The following DYM variants were observed in gnomAD, a reference collection of about 807,000 sequenced individuals.
DYM encodes the protein dymeclin, also known as dyggve-Melchior-Clausen syndrome protein.
A neutral mutation model predicts 93.1 loss-of-function variants in DYM; 78 were observed. The ratio of observed to expected loss-of-function variants is 0.84; its 90% confidence interval spans 0.70 to 1.01. The LOEUF is 1.01. DYM is among the 50% of genes least tolerant of loss of function. The pLI is 0.00. For synonymous variants in DYM, 321 were observed against 319.7 expected (o/e 1.00, Z -0.04); for missense variants, 789 against 845.0 (o/e 0.93, Z 0.82).
At chr18:49,390,568 C>T (rs1462668314) in intron 3 of DYM, among the ~76,000 whole-genome samples, 4 of 151,600 alleles carry the variant, frequency 2.6e-5, no homozygotes, top group South Asian at 2.1e-4. Context: ...AGTGCAGTGG[C>T]GCGATCTCGG....
chr18:49,105,627 C>G (rs2080714875), intron 16 of DYM, among the ~76,000 whole-genome samples: 1 of 152,170 alleles, frequency 6.6e-6, no homozygotes, highest in African/African-American at 2.4e-5. Context: ...TCTTTGGTTT[C>G]AAAGAATATC....
intron 5 of DYM, among the ~76,000 whole-genome samples, chr18:49,369,356 G>C (rs562615969): frequency 2.0e-5 from 3 of 152,176 alleles, no homozygotes; most frequent in African/African-American, 4.8e-5. Context: ...AACTGGGAAG[G>C]GGGGTGGCCT....
At chr18:49,097,196 C>A in intron 17 of DYM, 1 of 610,522 alleles carries the variant, frequency 1.6e-6, no homozygotes, top group Non-Finnish European at 2.9e-6. Flanking sequence ...TAGTGCATGC[C>A]ATGGCTACTT....
chr18:49,310,610 T>G (rs1232154090), intron 8 of DYM, among the ~76,000 whole-genome samples: 1 of 152,230 alleles, frequency 6.6e-6, no homozygotes, highest in Non-Finnish European at 1.5e-5. Context: ...TTTTAAGTTT[T>G]CTTTACAGTT....
intron 14 of DYM, among the ~76,000 whole-genome samples, chr18:49,195,049 A>G (rs1203961681): frequency 1.3e-5 from 2 of 152,160 alleles, no homozygotes; most frequent in African/African-American, 4.8e-5. Flanking sequence ...AATTTAATGT[A>G]AAATAATTTT....
At chr18:49,394,388 T>C (rs1294203564) in intron 2 of DYM, among the ~76,000 whole-genome samples, 1 of 151,500 alleles carries the variant, frequency 6.6e-6, no homozygotes, top group Non-Finnish European at 1.5e-5. Flanking sequence ...GTTTCATTTG[T>C]CTGTTTTTTT....
At chr18:49,301,111 A>T (rs1236969326) in intron 8 of DYM, among the ~76,000 whole-genome samples, 2 of 152,218 alleles carry the variant, frequency 1.3e-5, no homozygotes, top group Admixed American at 6.5e-5. Context: ...TTGAAAAAGA[A>T]GATTTCAAAT....
At chr18:49,079,402 T>TA (rs1382093870) in intron 17 of DYM, among the ~76,000 whole-genome samples, 6 of 152,022 alleles carry the variant, frequency 3.9e-5, no homozygotes, top group Admixed American at 1.3e-4. Context: ...TCTTTTTTTT[T>TA]TTTTTTATTT....
chr18:49,300,325 T>A (rs930787576), intron 8 of DYM, among the ~76,000 whole-genome samples: 4 of 151,732 alleles, frequency 2.6e-5, no homozygotes, highest in African/African-American at 9.7e-5. Context: ...GTAGGCCGGG[T>A]GCCATGGCTC....
chr18:49,281,458 G>T (rs7231552), intron 10 of DYM, among the ~76,000 whole-genome samples: 24 of 152,060 alleles, frequency 1.6e-4, no homozygotes, highest in African/African-American at 5.3e-4. Context: ...ACTGGGTATA[G>T]ACCCAAAGGA....
intron 5 of DYM, among the ~76,000 whole-genome samples, chr18:49,374,653 G>C (rs1261554507): frequency 6.6e-6 from 1 of 152,164 alleles, no homozygotes; most frequent in South Asian, 2.1e-4. Context: ...ATGAAAGGTA[G>C]CTTCAATAAA....
intron 13 of DYM, among the ~76,000 whole-genome samples, chr18:49,217,942 T>C (rs918859956): frequency 9.2e-5 from 14 of 152,134 alleles, no homozygotes; most frequent in African/African-American, 3.1e-4. Flanking sequence ...ATGCTCCAAT[T>C]AAAAGACACA....
At chr18:49,074,866 G>T (rs753576257) in intron 17 of DYM, among the ~76,000 whole-genome samples, 1 of 152,246 alleles carries the variant, frequency 6.6e-6, no homozygotes, top group African/African-American at 2.4e-5. Flanking sequence ...GTTGCTTTCA[G>T]ATCGTCTCAA....
At chr18:49,075,142 G>C (rs2077199116) in intron 17 of DYM, among the ~76,000 whole-genome samples, 1 of 152,156 alleles carries the variant, frequency 6.6e-6, no homozygotes, top group Admixed American at 6.5e-5. Context: ...TTTACAGCTA[G>C]ACAATCAGTA....
intron 8 of DYM, among the ~76,000 whole-genome samples, chr18:49,315,439 G>A (rs1355781306): frequency 6.6e-6 from 1 of 152,146 alleles, no homozygotes; most frequent in African/African-American, 2.4e-5. Flanking sequence ...TGAGTTTTAT[G>A]TACTATGAAG....
intron 14 of DYM, among the ~76,000 whole-genome samples, chr18:49,168,383 G>C (rs1036987334): frequency 6.6e-6 from 1 of 152,158 alleles, no homozygotes; most frequent in Non-Finnish European, 1.5e-5. Flanking sequence ...ATGCTATCTT[G>C]AAGAAAACAG....
chr18:49,438,671 G>A (rs923073751), intron 1 of DYM, among the ~76,000 whole-genome samples: 1 of 152,072 alleles, frequency 6.6e-6, no homozygotes, highest in Non-Finnish European at 1.5e-5. Context: ...GCAACAACAG[G>A]GTGCTACCTG....
At chr18:49,088,837 G>T (rs1255434930) in intron 17 of DYM, among the ~76,000 whole-genome samples, 1 of 152,120 alleles carries the variant, frequency 6.6e-6, no homozygotes, top group African/African-American at 2.4e-5. Flanking sequence ...TGTCACCCAG[G>T]GTGGAGTACA....
chr18:49,045,003 T>A (rs1300326200), intron 17 of DYM, among the ~76,000 whole-genome samples: 1 of 152,258 alleles, frequency 6.6e-6, no homozygotes, highest in Non-Finnish European at 1.5e-5. Flanking sequence ...CCTGGCCTAT[T>A]TATTCCAGCC....
Sources: gnomAD v4.1 joint callset for allele counts (sites outside exome capture counted in the v4.1 genomes callset) on GRCh38, gnomAD v4.1.1 for gene constraint, MANE v1.5 for transcripts, NCBI Gene and HGNC (gene_info 2026-07-23, HGNC 2026-07-21) for gene names.